The following ZNF385B variants were observed in gnomAD, a reference collection of about 807,000 sequenced individuals.
The protein encoded by ZNF385B is zinc finger protein 385B, also known as zinc finger protein 533.
Under a neutral mutation model 39.2 loss-of-function variants are expected in ZNF385B, and 23 were observed. The observed-to-expected ratio is 0.59, with a 90% CI of 0.42 to 0.83. The LOEUF (loss-of-function observed/expected upper bound fraction) is 0.83. Ranked by LOEUF, ZNF385B falls within the 40% of genes least tolerant of loss-of-function variation. The pLI is 0.00. For missense variants in ZNF385B, 552 were observed against 598.9 expected, an observed-to-expected ratio of 0.92 and a Z score of 0.82; for synonymous variants, 205 against 222.6, an observed-to-expected ratio of 0.92 and a Z score of 0.70.
Position 179,696,326 on chromosome 2 carries a change from C to CTTTTTTTTTTTTTTTTTTTTT in ZNF385B, c.298+73156_298+73176dup, listed in dbSNP as rs71029828. ...CTGGGACACTAGGTACAAACTGGGACTTTTTTTTTTTTTTTTTTTTTTTGC... is the reference window on the plus strand; with the variant it reads ...CTGGGACACTAGGTACAAACTGGGACTTTTTTTTTTTTTTTTTTTTTTTTTTTTTTTTTTTTTTTTTTTTGC... On this transcript the variant is annotated intron_variant, in intron 3 of 9. Transcript: ENST00000410066. 3.5e-3 allele frequency among the ~76,000 whole-genome samples: 141 copies of CTTTTTTTTTTTTTTTTTTTTT among 40,356 alleles called. 54 individuals are homozygous for CTTTTTTTTTTTTTTTTTTTTT. Among genetic ancestry groups the CTTTTTTTTTTTTTTTTTTTTT allele is most frequent in the Non-Finnish European group, 3.8e-3 (91 of 24,256 alleles). 26.5% of individuals were successfully genotyped at this position (40,356 alleles called of 152,430 possible).
chr2:179,547,164 G>A (rs940050408), intron 3 of ZNF385B, among the ~76,000 whole-genome samples: 2 of 149,424 alleles, frequency 1.3e-5, no homozygotes, highest in Non-Finnish European at 3.0e-5. Flanking sequence ...CCCATTCTGT[G>A]GGTTGCCTCT....
intron 3 of ZNF385B, among the ~76,000 whole-genome samples, chr2:179,737,898 C>G (rs113079169): frequency 1.1e-3 from 170 of 152,284 alleles, no homozygotes; most frequent in African/African-American, 3.9e-3. Context: ...TTCCATAACT[C>G]CACTACTCCA....
chr2:179,735,954 G>A (rs1368362475), intron 3 of ZNF385B, among the ~76,000 whole-genome samples: 2 of 149,868 alleles, frequency 1.3e-5, no homozygotes, highest in Admixed American at 1.3e-4. Flanking sequence ...AGTGGGTGCA[G>A]TGCACCAGCA....
At chr2:179,685,199 A>G (rs1419028012) in intron 3 of ZNF385B, among the ~76,000 whole-genome samples, 1 of 152,198 alleles carries the variant, frequency 6.6e-6, no homozygotes, top group Non-Finnish European at 1.5e-5. Flanking sequence ...TTCATTTAAC[A>G]AGTATCACTT....
At chr2:179,552,492 T>C (rs923889113) in intron 3 of ZNF385B, among the ~76,000 whole-genome samples, 5 of 149,512 alleles carry the variant, frequency 3.3e-5, no homozygotes, top group Admixed American at 6.7e-5. Context: ...ACATCAATTA[T>C]AGAACTCCAA....
chr2:179,703,867 T>C (rs1699393455), intron 3 of ZNF385B, among the ~76,000 whole-genome samples: 1 of 152,162 alleles, frequency 6.6e-6, no homozygotes, highest in African/African-American at 2.4e-5. Context: ...ATGGAGGTAT[T>C]AATGGGCACT....
intron 3 of ZNF385B, among the ~76,000 whole-genome samples, chr2:179,565,030 T>C (rs994595978): frequency 6.6e-6 from 1 of 152,190 alleles, no homozygotes; most frequent in African/African-American, 2.4e-5. Flanking sequence ...CCTCCTTTCC[T>C]TTTTCATACC....
intron 1 of ZNF385B, among the ~76,000 whole-genome samples, chr2:179,805,344 T>C (rs1276840988): frequency 3.3e-5 from 5 of 152,166 alleles, no homozygotes; most frequent in African/African-American, 7.2e-5. Flanking sequence ...ACATGCTCAA[T>C]AGATTTTAGC....
intron 3 of ZNF385B, among the ~76,000 whole-genome samples, chr2:179,685,650 T>C (rs1697864679): frequency 7.2e-6 from 1 of 139,750 alleles, no homozygotes; most frequent in South Asian, 2.2e-4. Context: ...TATTGATAAA[T>C]GCTACATTTT....
chr2:179,553,740 A>G (rs935453367), intron 3 of ZNF385B, among the ~76,000 whole-genome samples: 1 of 149,432 alleles, frequency 6.7e-6, no homozygotes, highest in South Asian at 2.1e-4. Flanking sequence ...ATGTTGCTTC[A>G]ACAAAGCTTA....
chr2:179,538,525 AT>A (rs1559433562), intron 4 of ZNF385B, among the ~76,000 whole-genome samples: 1 of 152,166 alleles, frequency 6.6e-6, no homozygotes, highest in Non-Finnish European at 1.5e-5. Flanking sequence ...TTTTTAAAAA[AT>A]ATTCATCAAT....
At chr2:179,695,474 A>G (rs1325772599) in intron 3 of ZNF385B, among the ~76,000 whole-genome samples, 1 of 152,124 alleles carries the variant, frequency 6.6e-6, no homozygotes, top group Non-Finnish European at 1.5e-5. Flanking sequence ...ATATAAAGGT[A>G]TTATATATTT....
intron 1 of ZNF385B, among the ~76,000 whole-genome samples, chr2:179,824,280 C>T (rs1165013778): frequency 6.6e-6 from 1 of 152,082 alleles, no homozygotes; most frequent in African/African-American, 2.4e-5. Context: ...AATGAGAGCC[C>T]TTTTGGAGCT....
At chr2:179,835,500 G>A (rs1379247325) in intron 1 of ZNF385B, among the ~76,000 whole-genome samples, 2 of 152,114 alleles carry the variant, frequency 1.3e-5, no homozygotes, top group South Asian at 4.2e-4. Flanking sequence ...CCTTCGATGT[G>A]CTGGTGGTGG....
At chr2:179,800,091 T>C (rs1019582907) in intron 1 of ZNF385B, among the ~76,000 whole-genome samples, 1 of 152,100 alleles carries the variant, frequency 6.6e-6, no homozygotes, top group Non-Finnish European at 1.5e-5. Flanking sequence ...TCTCTGATTA[T>C]TCAATATAGA....
At chr2:179,533,910 T>C (rs1325691399) in intron 4 of ZNF385B, among the ~76,000 whole-genome samples, 1 of 152,212 alleles carries the variant, frequency 6.6e-6, no homozygotes, top group Non-Finnish European at 1.5e-5. Flanking sequence ...AGGTTCAAAA[T>C]GGCATGTAGC....
In ZNF385B at chr2:179,488,337, G is replaced by C. The variant is rs1381024411; in HGVS notation, c.553-4903C>G. On this transcript the variant is annotated intron_variant, in intron 5 of 9. Coordinates refer to ENST00000410066, the MANE Select transcript of ZNF385B (RefSeq NM_152520.6). ...TTTTTTTGTATTTTAGTAGAGAAGG[G>C]GTTTCACCCTGTTGGCCAGGCTGGT... Among the ~76,000 whole-genome samples the C allele has an allele frequency of 2.0e-5, 3 of 152,208 alleles. No homozygotes were observed. In the South Asian group the frequency reaches 6.2e-4, roughly 32 times the overall value.
At chr2:179,529,162 C>T (rs1382357222) in intron 4 of ZNF385B, among the ~76,000 whole-genome samples, 1 of 152,106 alleles carries the variant, frequency 6.6e-6, no homozygotes, top group Non-Finnish European at 1.5e-5. Context: ...GTTTTAAATG[C>T]ACACTGAAAG....
intron 4 of ZNF385B, among the ~76,000 whole-genome samples, chr2:179,540,578 A>C (rs1468352596): frequency 6.6e-6 from 1 of 152,210 alleles, no homozygotes; most frequent in Non-Finnish European, 1.5e-5. Context: ...GGACTCATAA[A>C]TGTTATTATT....
Sources: gnomAD v4.1 joint callset for allele counts (sites outside exome capture counted in the v4.1 genomes callset) on GRCh38, gnomAD v4.1.1 for gene constraint, MANE v1.5 for transcripts, NCBI Gene and HGNC (gene_info 2026-07-23, HGNC 2026-07-21) for gene names.